FBXL7: variants seen among roughly 807,000 people sequenced by gnomAD.
FBXL7 encodes the protein F-box and leucine rich repeat protein 7, also known as F-box/LRR-repeat protein 7.
FBXL7 carries 12 observed loss-of-function variants against 38.3 expected under a neutral mutation model. That is an observed-to-expected ratio of 0.31 (90% CI 0.20 to 0.51). FBXL7 has a LOEUF of 0.51. Ranked by LOEUF, FBXL7 falls within the 20% of genes least tolerant of loss-of-function variation. The pLI, the probability that FBXL7 is intolerant of heterozygous loss-of-function variation, is 0.98. For missense variants in FBXL7, 567 were observed against 676.4 expected (o/e 0.84, Z 1.79); for synonymous variants, 297 against 300.9 (o/e 0.99, Z 0.13).
intron 2 of FBXL7, among the ~76,000 whole-genome samples, chr5:15,719,204 C>T (rs1406165881): frequency 6.6e-6 from 1 of 152,098 alleles, no homozygotes; most frequent in African/African-American, 2.4e-5. Context: ...ATAGCAAGTT[C>T]AGGCTTTGTT....
chr5:15,832,840 C>T (rs1290793317), intron 2 of FBXL7, among the ~76,000 whole-genome samples: 3 of 152,092 alleles, frequency 2.0e-5, no homozygotes, highest in Non-Finnish European at 4.4e-5. Context: ...GCTGTGTCCC[C>T]ACCCAAATCT....
chr5:15,541,443 G>GTGTA (rs1264820921), intron 1 of FBXL7, among the ~76,000 whole-genome samples: 106 of 38,440 alleles, frequency 2.8e-3, no homozygotes, highest in East Asian at 8.4e-3. Flanking sequence ...GTGTGTGTGT[G>GTGTA]TATATATATA....
At chr5:15,568,568 T>G (rs1330634110) in intron 1 of FBXL7, among the ~76,000 whole-genome samples, 19 of 151,708 alleles carry the variant, frequency 1.3e-4, no homozygotes, top group South Asian at 4.1e-4. Flanking sequence ...TAGTTTCTTT[T>G]GCTGTGCAGA....
chr5:15,831,917 G>A (rs1246069056), intron 2 of FBXL7, among the ~76,000 whole-genome samples: 2 of 152,022 alleles, frequency 1.3e-5, no homozygotes, highest in East Asian at 1.9e-4. Context: ...CCCTTGCTCT[G>A]TCCACACCCC....
chr5:15,664,739 G>T (rs1363608119), intron 2 of FBXL7, among the ~76,000 whole-genome samples: 2 of 151,712 alleles, frequency 1.3e-5, no homozygotes, highest in African/African-American at 4.8e-5. Context: ...CAAAGTGCTG[G>T]GACTATAGGC....
chr5:15,636,051 A>G (rs1351673256), intron 2 of FBXL7, among the ~76,000 whole-genome samples: 5 of 151,392 alleles, frequency 3.3e-5, no homozygotes, highest in African/African-American at 4.9e-5. Context: ...ACAAATTAAC[A>G]TTACTGCACC....
chr5:15,873,980 A>G (rs1740089155), intron 2 of FBXL7, among the ~76,000 whole-genome samples: 1 of 152,230 alleles, frequency 6.6e-6, no homozygotes, highest in Non-Finnish European at 1.5e-5. Context: ...AGAAAATTTC[A>G]GGCCAATATC....
At chr5:15,763,871 AATATGC>A (rs1476336979) in intron 2 of FBXL7, among the ~76,000 whole-genome samples, 2 of 152,228 alleles carry the variant, frequency 1.3e-5, no homozygotes, top group Non-Finnish European at 2.9e-5. Context: ...CTAGTCCCAC[AATATGC>A]TATCTGCAAG....
chr5:15,744,720 A>T (rs1012851541), intron 2 of FBXL7, among the ~76,000 whole-genome samples: 1 of 152,164 alleles, frequency 6.6e-6, no homozygotes, highest in Non-Finnish European at 1.5e-5. Flanking sequence ...TTCTCACACT[A>T]CTAATAAAGA....
intron 2 of FBXL7, among the ~76,000 whole-genome samples, chr5:15,787,157 CTGTG>C (rs1737152928): frequency 1.3e-5 from 2 of 152,178 alleles, no homozygotes; most frequent in Admixed American, 1.3e-4. Flanking sequence ...CCCCCGGAAA[CTGTG>C]AGAGAGTACA....
At chr5:15,826,611 G>T (rs1324100964) in intron 2 of FBXL7, among the ~76,000 whole-genome samples, 1 of 151,986 alleles carries the variant, frequency 6.6e-6, no homozygotes, top group Admixed American at 6.6e-5. Flanking sequence ...TAAAGACGGG[G>T]TTTCACCATG....
At chr5:15,888,070 A>G (rs1740749956) in intron 2 of FBXL7, among the ~76,000 whole-genome samples, 1 of 152,200 alleles carries the variant, frequency 6.6e-6, no homozygotes, top group African/African-American at 2.4e-5. Context: ...AATTAAATTA[A>G]AGGAGATAAG....
intron 2 of FBXL7, among the ~76,000 whole-genome samples, chr5:15,826,954 G>A: frequency 6.7e-6 from 1 of 150,226 alleles, no homozygotes; most frequent in Admixed American, 6.6e-5. Context: ...TTTACACAAA[G>A]GATGATGGAT....
intron 2 of FBXL7, among the ~76,000 whole-genome samples, chr5:15,875,514 A>T (rs1579554669): frequency 6.6e-6 from 1 of 152,124 alleles, no homozygotes; most frequent in African/African-American, 2.4e-5. Context: ...TCTGACAAAG[A>T]GCTAATACCC....
At chr5:15,744,535 G>A (rs1389347305) in intron 2 of FBXL7, among the ~76,000 whole-genome samples, 1 of 152,168 alleles carries the variant, frequency 6.6e-6, no homozygotes, top group African/African-American at 2.4e-5. Context: ...TGTCTTCAGA[G>A]CCCTCCAAGT....
intron 2 of FBXL7, among the ~76,000 whole-genome samples, chr5:15,731,446 G>C (rs922912210): frequency 6.6e-6 from 1 of 152,140 alleles, no homozygotes; most frequent in African/African-American, 2.4e-5. Context: ...GGGAAAGACC[G>C]CCCCCCATGA....
chr5:15,854,388 C>G (rs961573577), intron 2 of FBXL7, among the ~76,000 whole-genome samples: 1 of 152,146 alleles, frequency 6.6e-6, no homozygotes, highest in South Asian at 2.1e-4. Context: ...ATTAATTATT[C>G]TATCTTTCAG....
At chr5:15,935,803 T>C (rs1435505924) in intron 3 of FBXL7, among the ~76,000 whole-genome samples, 2 of 152,214 alleles carry the variant, frequency 1.3e-5, no homozygotes, top group Non-Finnish European at 2.9e-5. Flanking sequence ...TGTTCTCTCA[T>C]TGCATCCTCA....
At chr5:15,872,657 T>C (rs963055280) in intron 2 of FBXL7, among the ~76,000 whole-genome samples, 3 of 152,116 alleles carry the variant, frequency 2.0e-5, no homozygotes, top group African/African-American at 7.2e-5. Flanking sequence ...AAACAGACTT[T>C]AAACCAACAA....
Sources: gnomAD v4.1 joint callset for allele counts (sites outside exome capture counted in the v4.1 genomes callset) on GRCh38, gnomAD v4.1.1 for gene constraint, MANE v1.5 for transcripts, NCBI Gene and HGNC (gene_info 2026-07-23, HGNC 2026-07-21) for gene names.